NRXN3: variants seen among roughly 807,000 people sequenced by gnomAD.
NRXN3 encodes neurexin III.
A neutral mutation model predicts 137.6 loss-of-function variants in NRXN3; 32 were observed. The observed-to-expected ratio is 0.23, with a 90% confidence interval of 0.18 to 0.31. The LOEUF is 0.31. Ranked by LOEUF, NRXN3 falls within the 10% of genes least tolerant of loss-of-function variation. The pLI, the probability that NRXN3 is intolerant of heterozygous loss-of-function variation, is 1.00. For missense variants in NRXN3, 1,574 were observed against 2,062.5 expected, an observed-to-expected ratio of 0.76 and a Z score of 4.59; for synonymous variants, 798 against 784.5, an observed-to-expected ratio of 1.02 and a Z score of -0.29.
At chr14:79,495,919 G>A (rs1430383583) in intron 16 of NRXN3, among the ~76,000 whole-genome samples, 1 of 151,100 alleles carries the variant, frequency 6.6e-6, no homozygotes, top group Middle Eastern at 3.4e-3. Flanking sequence ...TGTTTAAAAG[G>A]TGTCATCTCT....
chr14:79,424,184 G>A (rs1217163776), intron 15 of NRXN3, among the ~76,000 whole-genome samples: 1 of 152,164 alleles, frequency 6.6e-6, no homozygotes, highest in Admixed American at 6.5e-5. Flanking sequence ...CACACATACA[G>A]AGACTATCAT....
intron 4 of NRXN3, among the ~76,000 whole-genome samples, chr14:78,613,533 G>A (rs1435894261): frequency 1.3e-5 from 2 of 150,830 alleles, no homozygotes; most frequent in Non-Finnish European, 2.9e-5. Context: ...AGAAAAGGGG[G>A]CACAGAGTCT....
At chr14:78,669,920 T>C (rs1226656746) in intron 6 of NRXN3, among the ~76,000 whole-genome samples, 1 of 152,130 alleles carries the variant, frequency 6.6e-6, no homozygotes, top group Non-Finnish European at 1.5e-5. Context: ...TACAGTTTTG[T>C]TACTTGGGTA....
At chr14:79,136,868 A>G (rs190205613) in intron 15 of NRXN3, among the ~76,000 whole-genome samples, 1 of 152,370 alleles carries the variant, frequency 6.6e-6, no homozygotes, top group East Asian at 1.9e-4. Flanking sequence ...AAGCTTAGTC[A>G]TCCATACTTT....
At chr14:78,910,744 T>G (rs2099235051) in intron 10 of NRXN3, among the ~76,000 whole-genome samples, 1 of 152,186 alleles carries the variant, frequency 6.6e-6, no homozygotes, top group Admixed American at 6.6e-5. Flanking sequence ...ATGTAACACA[T>G]GTGAGACCAG....
intron 16 of NRXN3, among the ~76,000 whole-genome samples, chr14:79,647,007 C>G (rs2098455864): frequency 7.4e-6 from 1 of 135,168 alleles, no homozygotes; most frequent in African/African-American, 2.5e-5. Context: ...GATCTGTGGC[C>G]AGGTCTAAGT....
intron 15 of NRXN3, among the ~76,000 whole-genome samples, chr14:79,441,602 G>A (rs551097406): frequency 1.3e-5 from 2 of 151,608 alleles, no homozygotes; most frequent in East Asian, 2.0e-4. Flanking sequence ...GGATGGTCTC[G>A]ATCTCCTGAC....
At chr14:79,430,111 A>G (rs2095722748) in intron 15 of NRXN3, among the ~76,000 whole-genome samples, 1 of 152,186 alleles carries the variant, frequency 6.6e-6, no homozygotes, top group South Asian at 2.1e-4. Context: ...TTCTTCACCT[A>G]ATAGCTAAAA....
At chr14:78,676,577 T>C (rs1302064975) in intron 6 of NRXN3, among the ~76,000 whole-genome samples, 2 of 152,050 alleles carry the variant, frequency 1.3e-5, no homozygotes, top group East Asian at 1.9e-4. Flanking sequence ...ATAGTGCAAA[T>C]TGAAGCAGCA....
intron 4 of NRXN3, among the ~76,000 whole-genome samples, chr14:78,304,123 C>T (rs2077133102): frequency 6.6e-6 from 1 of 152,152 alleles, no homozygotes; most frequent in South Asian, 2.1e-4. Context: ...ACCCTCATGA[C>T]CCCAAATCAC....
intron 6 of NRXN3, among the ~76,000 whole-genome samples, chr14:78,694,683 T>C (rs577321148): frequency 6.6e-6 from 1 of 152,064 alleles, no homozygotes; most frequent in South Asian, 2.1e-4. Context: ...ACCTGGAAAC[T>C]AAGTTTAGTT....
intron 6 of NRXN3, among the ~76,000 whole-genome samples, chr14:78,693,488 T>A (rs1353029726): frequency 2.0e-5 from 3 of 151,966 alleles, no homozygotes; most frequent in Admixed American, 6.6e-5. Context: ...AGACTATGAT[T>A]TGGTATGAGC....
At chr14:78,327,099 A>G (rs754056220) in intron 4 of NRXN3, among the ~76,000 whole-genome samples, 1 of 152,202 alleles carries the variant, frequency 6.6e-6, no homozygotes, top group Non-Finnish European at 1.5e-5. Flanking sequence ...AAGTGAACTA[A>G]TGCATTCAAA....
At chr14:78,310,964 TCA>T (rs2077910626) in intron 4 of NRXN3, among the ~76,000 whole-genome samples, 1 of 152,154 alleles carries the variant, frequency 6.6e-6, no homozygotes, top group Admixed American at 6.5e-5. Flanking sequence ...ACAACAAACA[TCA>T]GTTATCATAA....
chr14:78,215,581 G>A (rs1418505769), intron 1 of NRXN3, among the ~76,000 whole-genome samples: 1 of 152,132 alleles, frequency 6.6e-6, no homozygotes, highest in Non-Finnish European at 1.5e-5. Context: ...ACATAGAGAA[G>A]GCAACAAAGG....
At chr14:79,280,813 C>G (rs1468515483) in intron 15 of NRXN3, 1 of 419,200 alleles carries the variant, frequency 2.4e-6, no homozygotes, top group Non-Finnish European at 4.4e-6. Context: ...CACACTCTCT[C>G]TTTTGCAACC....
chr14:78,215,935 C>T (rs1237818124), intron 1 of NRXN3, among the ~76,000 whole-genome samples: 2 of 152,290 alleles, frequency 1.3e-5, no homozygotes, highest in African/African-American at 4.8e-5. Flanking sequence ...AAAAACTCAG[C>T]CTCAGCAGTG....
At chr14:78,831,658 T>C (rs532701914) in intron 10 of NRXN3, among the ~76,000 whole-genome samples, 1 of 152,054 alleles carries the variant, frequency 6.6e-6, no homozygotes, top group Admixed American at 6.5e-5. Flanking sequence ...TGAAAAGTCC[T>C]GTGGGTTGGA....
chr14:79,527,317 G>C (rs1337077854), intron 16 of NRXN3, among the ~76,000 whole-genome samples: 34 of 94,120 alleles, frequency 3.6e-4, no homozygotes, highest in African/African-American at 1.0e-3. Context: ...AAAAAAAAAA[G>C]ACTGCTTTAG....
Sources: allele counts gnomAD v4.1 joint callset (sites outside exome capture counted in the v4.1 genomes callset), GRCh38; gene constraint gnomAD v4.1.1; transcripts MANE v1.5; gene names NCBI Gene and HGNC (gene_info 2026-07-23, HGNC 2026-07-21).